PODNL1: variants seen among roughly 807,000 people sequenced by gnomAD.
PODNL1 encodes podocan like 1.
Under a neutral mutation model 45.1 loss-of-function variants are expected in PODNL1, and 50 were observed. The observed-to-expected ratio is 1.11, with a 90% CI of 0.88 to 1.40. The LOEUF is 1.40. Ranked by LOEUF, PODNL1 falls within the 40% of genes most tolerant of loss-of-function variation. The pLI is 0.00. For missense variants in PODNL1, 788 were observed against 793.3 expected (o/e 0.99, Z 0.08); for synonymous variants, 406 against 372.5 (o/e 1.09, Z -1.04).
At position 13,931,693 on chromosome 19, in the gene PODNL1, C is replaced by T. The variant is rs779675768; in HGVS notation, c.*44G>A. 1.9e-5 allele frequency: 23 copies of T among 1,231,346 alleles called. No individual in the cohort carries two copies. The East Asian group carries it at 2.8e-4, about 15-fold the overall frequency. The allele number at this position is 1,231,346 out of a possible 1,614,324, so 76.3% of individuals were successfully genotyped here. A position where few individuals can be genotyped will look rare whatever the true frequency, so the allele number is the denominator to read the frequency against. On this transcript the variant is annotated 3_prime_UTR_variant, in exon 10 of 10. Transcript: ENST00000588872. ...GTTGTCTCCTCAGTCCACGGCCCAG[C>T]GGAGTCCCAGGAGTCTGAGCTGCTC...
At position 13,953,206 on chromosome 19, in the gene PODNL1, C is replaced by G. The variant is rs372012256; in HGVS notation, c.-70G>C. On this transcript the variant is annotated 5_prime_UTR_variant, in exon 1 of 8. Transcript: ENST00000538371. ...AGAGTGAGAGTTACCGAAGCAGGCT[C>G]TGTCTCCTCCATCAGACTGGAAACT... 1.0e-4 allele frequency: 147 copies of G among 1,413,570 alleles called. 1 individual carries two copies. Among genetic ancestry groups the G allele is most frequent in the South Asian group, 9.0e-4 (66 of 73,712 alleles). 87.6% of individuals were successfully genotyped at this position (1,413,570 alleles called of 1,614,324 possible). A position where few individuals can be genotyped will look rare whatever the true frequency, so the allele number is the denominator to read the frequency against.
intron 1 of PODNL1, among the ~76,000 whole-genome samples, chr19:13,944,456 C>T (rs1319527783): frequency 6.7e-6 from 1 of 150,182 alleles, no homozygotes; most frequent in Non-Finnish European, 1.5e-5. Flanking sequence ...AGCCACCACA[C>T]CTGGCCCTAT....
chr19:13,947,163 C>T (rs1176945320), intron 1 of PODNL1, among the ~76,000 whole-genome samples: 1 of 125,272 alleles, frequency 8.0e-6, no homozygotes, highest in Non-Finnish European at 1.6e-5. Flanking sequence ...AGCAAGACTC[C>T]ATCTCAGAAA....
At chr19:13,936,482 GT>G in intron 2 of PODNL1, 22 bp from the exon 3 acceptor site, 1 of 1,586,318 alleles carries the variant, frequency 6.3e-7, no homozygotes, top group Non-Finnish European at 8.7e-7. Context: ...GAGTTGGGGT[GT>G]TCACACCCGT....
upstream of PODNL1, among the ~76,000 whole-genome samples, chr19:13,940,869 G>A (rs1972635009): frequency 6.6e-6 from 1 of 151,774 alleles, no homozygotes; most frequent in Non-Finnish European, 1.5e-5. Context: ...GGGCTATGGT[G>A]CGAGACTCTG....
intron 5 of PODNL1, among the ~76,000 whole-genome samples, chr19:13,935,090 A>G (rs950786282): frequency 6.6e-6 from 1 of 151,410 alleles, no homozygotes; most frequent in Non-Finnish European, 1.5e-5. Flanking sequence ...TTGTGTGTGC[A>G]TGAGCATGTG....
intron 5 of PODNL1, 121 bp from the exon 6 acceptor site, chr19:13,934,531 G>GCGCA: frequency 3.1e-6 from 3 of 971,846 alleles, no homozygotes; most frequent in Non-Finnish European, 4.3e-6. Context: ...GTGTGTGCGC[G>GCGCA]CGCATGTGTG....
intron 1 of PODNL1, among the ~76,000 whole-genome samples, chr19:13,951,245 C>T (rs914982296): frequency 6.6e-5 from 10 of 151,260 alleles, no homozygotes; most frequent in South Asian, 2.1e-4. Context: ...CAGGAGTTTT[C>T]GAGCAGCCTG....
chr19:13,944,196 G>C (rs1467035283), intron 1 of PODNL1, among the ~76,000 whole-genome samples: 1 of 151,996 alleles, frequency 6.6e-6, no homozygotes, highest in African/African-American at 2.4e-5. Context: ...GTCTCGCTCT[G>C]TCACCCAGGC....
intron 1 of PODNL1, among the ~76,000 whole-genome samples, chr19:13,946,990 A>G (rs533972649): frequency 3.3e-5 from 5 of 149,684 alleles, no homozygotes; most frequent in Non-Finnish European, 7.4e-5. Flanking sequence ...GGTCGAGGCT[A>G]CAGTGAGCTA....
At chr19:13,936,530 A>C (rs545157053) in intron 2 of PODNL1, 70 bp from the exon 3 acceptor site, 115 of 1,322,994 alleles carry the variant, frequency 8.7e-5, no homozygotes, top group Non-Finnish European at 1.2e-4. Flanking sequence ...ACTGATTCTC[A>C]ACTTCCCATC....
chr19:13,936,130 C>T (rs1364536564), intron 3 of PODNL1, 86 bp from the exon 4 acceptor site: 19 of 1,262,004 alleles, frequency 1.5e-5, no homozygotes, highest in East Asian at 7.6e-5. Context: ...CCAGGACTCT[C>T]GGCCGGGGAA....
chr19:13,945,908 T>C (rs1243984844), intron 1 of PODNL1, among the ~76,000 whole-genome samples: 1 of 151,428 alleles, frequency 6.6e-6, no homozygotes, highest in East Asian at 2.0e-4. Flanking sequence ...AACAAACTTT[T>C]TAATTAGCTG....
At chr19:13,946,523 A>AT (rs1227520058) in intron 1 of PODNL1, among the ~76,000 whole-genome samples, 3 of 152,128 alleles carry the variant, frequency 2.0e-5, no homozygotes, top group Non-Finnish European at 2.9e-5. Flanking sequence ...CACAAGGAAA[A>AT]TTGAGCCCAA....
At chr19:13,951,113 A>G (rs568507784) in intron 1 of PODNL1, among the ~76,000 whole-genome samples, 2 of 151,412 alleles carry the variant, frequency 1.3e-5, no homozygotes, top group East Asian at 3.9e-4. Context: ...TTAAAAAACC[A>G]TATTTTGGTC....
In PODNL1 at chr19:13,933,320, G is replaced by T; in HGVS notation, c.903C>A (p.His301Gln). The T allele has an allele frequency of 6.3e-7, 1 of 1,598,790 alleles. No individual in the cohort carries two copies. The highest frequency in any genetic ancestry group is 8.5e-7 in the Non-Finnish European group (1 of 1,176,562). The change falls in exon 8 of 10, where the codon CAC becomes CAA. Residue 301 changes from histidine (H) to glutamine (Q), a missense_variant. This residue lies in a region of PODNL1 where 762 missense variants were observed against 750.9 expected (regional missense o/e 1.01). Transcript: ENST00000588872. The surrounding 1 kb of genome is among the most constrained non-coding windows in gnomAD (Gnocchi z 5.2). ...ACAAATAGCGCAGACCACGCGCCCC[G>T]TGCAGCCGAGCCGCCTCCACCTGCC... ...RIRQVEAARL[H>Q]GARGLRYLLL... is the part of the protein sequence containing the mutation.
At position 13,933,215 on chromosome 19, in the gene PODNL1, G is replaced by A. The variant is rs368368090; in HGVS notation, c.1008C>T (p.His336=). Residue 336 remains histidine, a synonymous_variant, in exon 8 of 10, where the codon CAC becomes CAT. Coordinates refer to ENST00000588872, the MANE Select transcript of PODNL1 (RefSeq NM_001370095.3). This position sits in a 1 kb window ranked among gnomAD's most constrained non-coding sequence, Gnocchi z 5.2. Reference sequence around the variant, plus strand: ...CGCGGTCCAGCCCATTGCCATAGAGGTGCAGCGTGTGCAGGCCCCGCAGCG... The same window carrying A: ...CGCGGTCCAGCCCATTGCCATAGAGATGCAGCGTGTGCAGGCCCCGCAGCG... ...LRPLRGLHTL[H]LYGNGLDRVP... 9 of 1,538,026 alleles carry A rather than the reference G, an allele frequency of 5.9e-6. No individual in the cohort carries two copies. The highest frequency in any genetic ancestry group is 5.5e-5 in the African/African-American group (4 of 73,162).
At position 13,934,299 on chromosome 19, in the gene PODNL1, G is replaced by T; in HGVS notation, c.606C>A (p.Tyr202Ter). Reference protein sequence around the residue: ...TLSLSNNQLSYLPPSLPPSLE... With the variant: ...TLSLSNNQLS ...GTGAGGGCGGCAGGCTGGGCGGCAG[G>T]TAGCTGAGCTGGTTGTTGGAGAGGC... Residue 202 changes from tyrosine to a stop codon, truncating the protein, a stop_gained, in exon 6 of 10, where the codon TAC (tyrosine) becomes TAA (stop). Transcript: ENST00000588872. LOFTEE classifies it high-confidence loss of function. The T allele has an allele frequency of 6.5e-7, 1 of 1,540,316 alleles. No homozygotes were observed. Among genetic ancestry groups the T allele is most frequent in the East Asian group, 2.3e-5 (1 of 43,530 alleles).
At chr19:13,946,835 G>A (rs1165492055) in intron 1 of PODNL1, among the ~76,000 whole-genome samples, 5 of 151,582 alleles carry the variant, frequency 3.3e-5, no homozygotes, top group African/African-American at 9.7e-5. Flanking sequence ...GGCGGATCAC[G>A]AGGTCAGGAG....
Sources: allele counts gnomAD v4.1 joint callset (sites outside exome capture counted in the v4.1 genomes callset), GRCh38; gene constraint gnomAD v4.1.1; regional missense constraint gnomAD v4.1.1; non-coding constraint Gnocchi (gnomAD v3.1); transcripts MANE v1.5; gene names NCBI Gene and HGNC (gene_info 2026-07-23, HGNC 2026-07-21).